Variants in SUMF1 observed in about 807,000 individuals in gnomAD.
SUMF1 encodes formylglycine-generating enzyme.
A neutral mutation model predicts 47.6 loss-of-function variants in SUMF1; 48 were observed. The ratio of observed to expected loss-of-function variants is 1.01; its 90% CI spans 0.80 to 1.28. The LOEUF is 1.28. Among genes scored for constraint, SUMF1 ranks in the 50% most tolerant of loss-of-function variants. SUMF1 has a pLI of 0.00. For synonymous variants in SUMF1, 230 were observed against 192.1 expected, an observed-to-expected ratio of 1.20 and a Z score of -1.63; for missense variants, 571 against 485.4, an observed-to-expected ratio of 1.18 and a Z score of -1.66.
intron 8 of SUMF1, chr3:4,316,751 C>T (rs1698673125): frequency 6.4e-7 from 1 of 1,550,820 alleles, no homozygotes; most frequent in African/African-American, 1.4e-5. Context: ...CTCCAAAGCA[C>T]TTCCCAAAGC....
chr3:4,343,921 G>A (rs1328965199), intron 8 of SUMF1, among the ~76,000 whole-genome samples: 1 of 152,172 alleles, frequency 6.6e-6, no homozygotes, highest in Non-Finnish European at 1.5e-5. Flanking sequence ...CATCAGTAGG[G>A]AAATGCTTAA....
intron 2 of SUMF1, among the ~76,000 whole-genome samples, chr3:4,450,592 T>C (rs1702936342): frequency 6.6e-6 from 1 of 152,126 alleles, no homozygotes; most frequent in Non-Finnish European, 1.5e-5. Context: ...AAGGTCAATA[T>C]CAGATAGCCA....
chr3:4,277,045 A>T (rs577644128), intron 8 of SUMF1, among the ~76,000 whole-genome samples: 67 of 152,160 alleles, frequency 4.4e-4, no homozygotes, highest in Non-Finnish European at 7.1e-4. Flanking sequence ...CTTTGGAGAT[A>T]ATCTAATCCA....
chr3:4,119,251 TC>T (rs1486758484), intron 8 of SUMF1, among the ~76,000 whole-genome samples: 7 of 152,182 alleles, frequency 4.6e-5, no homozygotes, highest in African/African-American at 1.7e-4. Flanking sequence ...GATGCTATTC[TC>T]TTCCTATCCA....
At chr3:4,258,313 G>A (rs1198832639) in intron 8 of SUMF1, among the ~76,000 whole-genome samples, 1 of 147,162 alleles carries the variant, frequency 6.8e-6, no homozygotes, top group Non-Finnish European at 1.5e-5. Flanking sequence ...ACTACCATCA[G>A]AGTGAACAGG....
chr3:4,132,790 A>G (rs896995356), intron 8 of SUMF1, among the ~76,000 whole-genome samples: 1 of 152,150 alleles, frequency 6.6e-6, no homozygotes. Context: ...ACAGACTATC[A>G]AGAAGAAATC....
At chr3:4,314,644 T>C (rs977174725) in intron 8 of SUMF1, among the ~76,000 whole-genome samples, 1 of 152,156 alleles carries the variant, frequency 6.6e-6, no homozygotes, top group Admixed American at 6.5e-5. Context: ...CAGCCTCACT[T>C]CATGTATAAA....
chr3:4,036,648 G>C (rs896376737), intron 9 of SUMF1, among the ~76,000 whole-genome samples: 2 of 148,166 alleles, frequency 1.3e-5, no homozygotes, highest in African/African-American at 5.0e-5. Flanking sequence ...GGTCAACCAA[G>C]ACCTGCTCAG....
intron 8 of SUMF1, among the ~76,000 whole-genome samples, chr3:4,355,671 A>G (rs1699602324): frequency 6.6e-6 from 1 of 152,242 alleles, no homozygotes; most frequent in Admixed American, 6.5e-5. Flanking sequence ...AATATGCTAG[A>G]AAAGAGTTGC....
intron 8 of SUMF1, among the ~76,000 whole-genome samples, chr3:4,074,882 C>A (rs1227253677): frequency 6.6e-6 from 1 of 151,974 alleles, no homozygotes; most frequent in East Asian, 1.9e-4. Context: ...AGTCCAGGAC[C>A]AGATGGATTC....
At chr3:4,049,569 G>A (rs544581605) in intron 9 of SUMF1, among the ~76,000 whole-genome samples, 2 of 152,224 alleles carry the variant, frequency 1.3e-5, no homozygotes, top group Admixed American at 6.5e-5. Context: ...TATGTGAGGG[G>A]AGCATGCAGA....
intron 8 of SUMF1, among the ~76,000 whole-genome samples, chr3:4,214,921 A>G (rs906071673): frequency 9.2e-5 from 14 of 152,180 alleles, no homozygotes; most frequent in Non-Finnish European, 5.9e-5. Context: ...ACCAACCAAA[A>G]AAAGTTCCGG....
chr3:4,351,748 C>T (rs2582348), intron 8 of SUMF1, among the ~76,000 whole-genome samples: 44,574 of 151,956 alleles, frequency 0.29, 7,131 homozygotes, highest in South Asian at 0.46. Flanking sequence ...GTCGTAGCCT[C>T]GGCCACTTCA....
downstream of SUMF1, among the ~76,000 whole-genome samples, chr3:4,357,014 A>G (rs1455593978): frequency 6.6e-6 from 1 of 152,234 alleles, no homozygotes; most frequent in Non-Finnish European, 1.5e-5. Context: ...GCAGATAAAG[A>G]TGCTGCAAAG....
chr3:4,157,854 T>G (rs956336155), intron 8 of SUMF1, among the ~76,000 whole-genome samples: 5 of 150,964 alleles, frequency 3.3e-5, no homozygotes, highest in Non-Finnish European at 7.4e-5. Flanking sequence ...AAAAACTATT[T>G]AGCCTCTGGA....
chr3:4,105,588 G>T (rs1693139432), intron 8 of SUMF1, among the ~76,000 whole-genome samples: 1 of 152,006 alleles, frequency 6.6e-6, no homozygotes, highest in Admixed American at 6.5e-5. Flanking sequence ...AGGTAATCTG[G>T]AAAATGATAA....
At chr3:4,168,683 T>G (rs1694764938) in intron 8 of SUMF1, among the ~76,000 whole-genome samples, 2 of 152,212 alleles carry the variant, frequency 1.3e-5, no homozygotes, top group Non-Finnish European at 2.9e-5. Context: ...TGCCACTTTC[T>G]GGTAATTATA....
At chr3:4,211,620 T>A (rs1695797095) in intron 8 of SUMF1, among the ~76,000 whole-genome samples, 1 of 152,072 alleles carries the variant, frequency 6.6e-6, no homozygotes, top group South Asian at 2.1e-4. Flanking sequence ...AAGTTCAACT[T>A]CATTTAAATT....
chr3:4,328,022 C>T (rs749874738), intron 8 of SUMF1, among the ~76,000 whole-genome samples: 1 of 152,074 alleles, frequency 6.6e-6, no homozygotes, highest in African/African-American at 2.4e-5. Flanking sequence ...TCAAGACCAG[C>T]TTGTGCTACA....
Sources: gnomAD v4.1 joint callset for allele counts (sites outside exome capture counted in the v4.1 genomes callset) on GRCh38, gnomAD v4.1.1 for gene constraint, MANE v1.5 for transcripts, NCBI Gene and HGNC (gene_info 2026-07-23, HGNC 2026-07-21) for gene names.